TMTC2: variants seen among roughly 807,000 people sequenced by gnomAD.
TMTC2 encodes the protein protein O-mannosyl-transferase TMTC2.
In TMTC2, 43 loss-of-function variants were observed where a neutral mutation model predicts 82.4. The ratio of observed to expected loss-of-function variants is 0.52; its 90% CI spans 0.41 to 0.67. The LOEUF (loss-of-function observed/expected upper bound fraction) is 0.67. TMTC2 is among the 30% of genes least tolerant of loss of function. TMTC2 has a pLI of 0.00. For missense variants in TMTC2, 919 were observed against 1,012.4 expected, an observed-to-expected ratio of 0.91 and a Z score of 1.25; for synonymous variants, 408 against 381.9, an observed-to-expected ratio of 1.07 and a Z score of -0.80.
chr12:82,748,124 CAG>C (rs1401198022), intron 1 of TMTC2, among the ~76,000 whole-genome samples: 3 of 151,948 alleles, frequency 2.0e-5, no homozygotes, highest in Non-Finnish European at 2.9e-5. Context: ...TCCTGGCTAA[CAG>C]GGTGAAACCC....
intron 1 of TMTC2, among the ~76,000 whole-genome samples, chr12:82,776,615 GAAAAA>G (rs750550745): frequency 1.1e-5 from 1 of 87,372 alleles, no homozygotes; most frequent in Non-Finnish European, 2.4e-5. Flanking sequence ...TGTCTCTAAT[GAAAAA>G]AAAAAAAAAA....
At chr12:82,955,656 T>C (rs1877575101) in intron 4 of TMTC2, among the ~76,000 whole-genome samples, 1 of 152,218 alleles carries the variant, frequency 6.6e-6, no homozygotes, top group East Asian at 1.9e-4. Context: ...CATGATTTTC[T>C]AGAATTTAGG....
chr12:83,131,944 T>C (rs771010628), intron 11 of TMTC2, among the ~76,000 whole-genome samples: 2 of 152,222 alleles, frequency 1.3e-5, no homozygotes, highest in Non-Finnish European at 2.9e-5. Context: ...TAGATCTTCA[T>C]ATGTTACCTA....
chr12:83,013,881 T>C (rs1880562279), intron 8 of TMTC2, among the ~76,000 whole-genome samples: 1 of 152,190 alleles, frequency 6.6e-6, no homozygotes, highest in Non-Finnish European at 1.5e-5. Context: ...AAAATACATA[T>C]TTCTAGGGCG....
chr12:83,103,017 G>A (rs1318712706), intron 11 of TMTC2, among the ~76,000 whole-genome samples: 1 of 152,166 alleles, frequency 6.6e-6, no homozygotes, highest in Non-Finnish European at 1.5e-5. Context: ...ATGCTGTTGG[G>A]CTTTCAAGAA....
intron 7 of TMTC2, among the ~76,000 whole-genome samples, chr12:82,972,477 A>C (rs1878492972): frequency 6.6e-6 from 1 of 152,206 alleles, no homozygotes; most frequent in African/African-American, 2.4e-5. Flanking sequence ...CTCTTTAATT[A>C]TGAGATATTT....
chr12:82,976,901 A>C (rs1379791719), intron 7 of TMTC2, among the ~76,000 whole-genome samples: 4 of 152,092 alleles, frequency 2.6e-5, no homozygotes, highest in African/African-American at 9.7e-5. Flanking sequence ...AAAATGTAAC[A>C]TCTAAATTCA....
At chr12:82,951,322 C>T (rs763255670) in intron 4 of TMTC2, among the ~76,000 whole-genome samples, 2 of 151,054 alleles carry the variant, frequency 1.3e-5, no homozygotes, top group Non-Finnish European at 1.5e-5. Flanking sequence ...AATGGAGTCT[C>T]GCTCTGTCGC....
chr12:82,812,582 T>C (rs1565761182), intron 1 of TMTC2, among the ~76,000 whole-genome samples: 1 of 152,112 alleles, frequency 6.6e-6, no homozygotes, highest in African/African-American at 2.4e-5. Context: ...TTCTGTATCA[T>C]GTGGAATAGC....
rs61668693 is a variant in TMTC2, at chr12:83,124,563, C to CTTTTTTT, written c.2332-7638_2332-7632dup. Among the ~76,000 whole-genome samples the CTTTTTTT allele has an allele frequency of 3.6e-5, 5 of 138,532 alleles. No individual in the cohort carries two copies. In the Admixed American group the frequency reaches 3.6e-4, roughly 10 times the overall value. 90.9% of individuals were successfully genotyped at this position (138,532 alleles called of 152,430 possible). On this transcript the variant is annotated intron_variant, in intron 11 of 11. Coordinates refer to ENST00000321196, the MANE Select transcript of TMTC2 (RefSeq NM_152588.3). ...GCTATGAATAAGAAATTGTTGAAAT[C>CTTTTTTT]TTTTTTTTTTTTTTTAATGAGCAGA...
chr12:82,809,281 A>G (rs989351117), intron 1 of TMTC2, among the ~76,000 whole-genome samples: 1 of 152,060 alleles, frequency 6.6e-6, no homozygotes, highest in Non-Finnish European at 1.5e-5. Context: ...TTTTTTTAAC[A>G]GAGAAAAATC....
chr12:83,085,598 A>G (rs1485891710), intron 11 of TMTC2, among the ~76,000 whole-genome samples: 1 of 152,180 alleles, frequency 6.6e-6, no homozygotes, highest in Non-Finnish European at 1.5e-5. Context: ...ACAGAAAAAT[A>G]TTGACATTTG....
chr12:82,872,524 A>C (rs1030890708), intron 2 of TMTC2, among the ~76,000 whole-genome samples: 3 of 152,204 alleles, frequency 2.0e-5, no homozygotes, highest in Non-Finnish European at 4.4e-5. Context: ...TGTTCTTGAC[A>C]GGCATTGCTA....
chr12:82,694,354 T>C (rs1872700597), intron 1 of TMTC2, among the ~76,000 whole-genome samples: 1 of 152,224 alleles, frequency 6.6e-6, no homozygotes, highest in Admixed American at 6.5e-5. Context: ...GGATTTAGAT[T>C]CCATTTTATT....
intron 11 of TMTC2, among the ~76,000 whole-genome samples, chr12:83,098,351 T>A (rs1884101571): frequency 6.6e-6 from 1 of 152,222 alleles, no homozygotes; most frequent in Non-Finnish European, 1.5e-5. Context: ...TCAAATTCTA[T>A]CAGATAAACA....
chr12:82,927,381 C>T (rs757133041), intron 3 of TMTC2, among the ~76,000 whole-genome samples: 3 of 152,146 alleles, frequency 2.0e-5, no homozygotes, highest in Non-Finnish European at 2.9e-5. Flanking sequence ...TTGCTGTAAT[C>T]TCATGATAAC....
chr12:83,068,158 T>C (rs540883907), intron 11 of TMTC2, among the ~76,000 whole-genome samples: 9 of 152,226 alleles, frequency 5.9e-5, no homozygotes, highest in Admixed American at 2.0e-4. Context: ...AATGTATTAC[T>C]TTCAATTTGA....
chr12:83,051,614 A>G (rs1882350703), intron 10 of TMTC2, among the ~76,000 whole-genome samples: 1 of 152,162 alleles, frequency 6.6e-6, no homozygotes, highest in South Asian at 2.1e-4. Context: ...TTGTGTTTTT[A>G]TGTTAATTAT....
chr12:82,734,176 T>C (rs1874971557), intron 1 of TMTC2, among the ~76,000 whole-genome samples: 4 of 152,282 alleles, frequency 2.6e-5, no homozygotes, highest in Non-Finnish European at 4.4e-5. Context: ...AGGTTATACG[T>C]AGGTTGATAT....
Sources: gnomAD v4.1 joint callset for allele counts (sites outside exome capture counted in the v4.1 genomes callset) on GRCh38, gnomAD v4.1.1 for gene constraint, MANE v1.5 for transcripts, NCBI Gene and HGNC (gene_info 2026-07-23, HGNC 2026-07-21) for gene names.